SIAH3: variants seen among roughly 807,000 people sequenced by gnomAD.
The protein encoded by SIAH3 is siah E3 ubiquitin protein ligase family member 3.
Under a neutral mutation model 12.6 loss-of-function variants are expected in SIAH3, and 9 were observed. The observed-to-expected ratio is 0.72, with a 90% CI of 0.43 to 1.25. The LOEUF is 1.25. SIAH3 is among the 50% of genes most tolerant of loss of function. The pLI is 0.00. For synonymous variants in SIAH3, 154 were observed against 151.1 expected (o/e 1.02, Z -0.14); for missense variants, 390 against 365.4 (o/e 1.07, Z -0.55).
intron 1 of SIAH3, among the ~76,000 whole-genome samples, chr13:45,825,312 C>G (rs549585374): frequency 2.3e-3 from 344 of 152,260 alleles, no homozygotes; most frequent in Non-Finnish European, 3.2e-3. Context: ...TTACAATCAG[C>G]CTTGATGGCA....
At chr13:45,819,792 C>G (rs1189149666) in intron 1 of SIAH3, among the ~76,000 whole-genome samples, 1 of 152,210 alleles carries the variant, frequency 6.6e-6, no homozygotes, top group African/African-American at 2.4e-5. Flanking sequence ...AAGCCCCAAA[C>G]CCACTTCCAG....
chr13:45,842,240 C>T (rs1224416891), intron 1 of SIAH3, among the ~76,000 whole-genome samples: 1 of 152,186 alleles, frequency 6.6e-6, no homozygotes, highest in Non-Finnish European at 1.5e-5. Flanking sequence ...ACATTTTGTG[C>T]ATCAGGTAAC....
intron 1 of SIAH3, among the ~76,000 whole-genome samples, chr13:45,826,279 C>T (rs927238653): frequency 3.3e-5 from 5 of 151,924 alleles, no homozygotes; most frequent in Admixed American, 3.3e-4. Flanking sequence ...ATCTTCAAAG[C>T]TTAGGATGAT....
rs1555260272 is a variant in SIAH3 at position 45,847,622 on chromosome 13, C to CATGT, written c.135+3872_135+3873insACAT. On this transcript the variant is annotated intron_variant, in intron 1 of 1. Coordinates refer to ENST00000400405, the MANE Select transcript of SIAH3 (RefSeq NM_198849.3). ...ATATGCCCCTCCCACTCCATGTGTTCGTGTGTGTGTGTGTGTGTGTGTGTG... is the reference window on the plus strand; with the variant it reads ...ATATGCCCCTCCCACTCCATGTGTTCATGTGTGTGTGTGTGTGTGTGTGTGTGTG... Among the ~76,000 whole-genome samples the CATGT allele has an allele frequency of 2.3e-3, 334 of 146,954 alleles. 2 individuals carry two copies. Among genetic ancestry groups the CATGT allele is most frequent in the African/African-American group, 6.2e-3 (248 of 39,912 alleles).
intron 1 of SIAH3, among the ~76,000 whole-genome samples, chr13:45,803,957 T>C (rs533213748): frequency 5.7e-4 from 87 of 152,246 alleles, no homozygotes; most frequent in African/African-American, 2.0e-3. Flanking sequence ...AGTTACAAAA[T>C]CCATATTTTT....
Position 45,782,956 on chromosome 13 carries a change from T to C in SIAH3, c.*427A>G, listed in dbSNP as rs1257087473. On this transcript the variant is annotated 3_prime_UTR_variant, in exon 2 of 2. Coordinates refer to ENST00000400405, the MANE Select transcript of SIAH3 (RefSeq NM_198849.3). ...AACCTGCCGACTGCACACGTTCAGA[T>C]TTAGCTTGCTCTGAAATAGACTGAA... 6.5e-6 allele frequency: 1 copy of C among 152,674 alleles called. No homozygotes were observed. Among genetic ancestry groups the C allele is most frequent in the East Asian group, 1.9e-4 (1 of 5,198 alleles). 9.5% of individuals were successfully genotyped at this position (152,674 alleles called of 1,614,324 possible).
At chr13:45,823,497 T>TC (rs1419772553) in intron 1 of SIAH3, among the ~76,000 whole-genome samples, 1 of 152,250 alleles carries the variant, frequency 6.6e-6, no homozygotes, top group Non-Finnish European at 1.5e-5. Flanking sequence ...CTGGAGTTTT[T>TC]CCAATTTTCT....
chr13:45,826,460 A>AGTGT (rs1162256365), intron 1 of SIAH3, among the ~76,000 whole-genome samples: 1 of 7,498 alleles, frequency 1.3e-4, no homozygotes, highest in Non-Finnish European at 3.1e-4. Context: ...TGGATGGATG[A>AGTGT]ATGGATGGAT....
At chr13:45,819,709 C>G (rs1375556528) in intron 1 of SIAH3, among the ~76,000 whole-genome samples, 1 of 152,162 alleles carries the variant, frequency 6.6e-6, no homozygotes, top group African/African-American at 2.4e-5. Context: ...TTGGCTGTGC[C>G]CACCTCAGGG....
At chr13:45,838,685 C>T (rs899780939) in intron 1 of SIAH3, among the ~76,000 whole-genome samples, 1 of 152,050 alleles carries the variant, frequency 6.6e-6, no homozygotes, top group Non-Finnish European at 1.5e-5. Flanking sequence ...CCAGTCTCTC[C>T]GGCGAGGCTT....
intron 1 of SIAH3, among the ~76,000 whole-genome samples, chr13:45,822,556 T>TATATATATATATATATATATA (rs58735572): frequency 5.6e-4 from 77 of 136,976 alleles, no homozygotes; most frequent in Admixed American, 1.3e-3. Flanking sequence ...TATATATATA[T>TATATATATATATATATATATA]TAGACTAGGG....
intron 1 of SIAH3, among the ~76,000 whole-genome samples, chr13:45,848,899 A>C (rs1036378963): frequency 4.6e-5 from 7 of 152,210 alleles, no homozygotes; most frequent in African/African-American, 1.7e-4. Flanking sequence ...TCCTTTAACA[A>C]AAGAAGGACT....
intron 1 of SIAH3, among the ~76,000 whole-genome samples, chr13:45,796,936 G>T (rs1361445987): frequency 6.6e-6 from 1 of 152,188 alleles, no homozygotes; most frequent in South Asian, 2.1e-4. Flanking sequence ...TCTTAGGCTT[G>T]GGGGGCAGGG....
At chr13:45,824,877 CA>C (rs57377852) in intron 1 of SIAH3, among the ~76,000 whole-genome samples, 20,259 of 123,726 alleles carry the variant, frequency 0.16, 2,182 homozygotes, top group African/African-American at 0.34. Context: ...GACTCTGTCT[CA>C]AAAAAAAAAA....
chr13:45,819,334 C>A (rs149646246), intron 1 of SIAH3, among the ~76,000 whole-genome samples: 89 of 152,212 alleles, frequency 5.8e-4, no homozygotes, highest in African/African-American at 2.0e-3. Flanking sequence ...ATGGGAGGAG[C>A]GTTTAAGGAA....
chr13:45,792,889 G>T (rs1005330025), intron 1 of SIAH3, among the ~76,000 whole-genome samples: 1 of 152,302 alleles, frequency 6.6e-6, no homozygotes, highest in South Asian at 2.1e-4. Context: ...GTGTGCTAAT[G>T]AGTCTAATCA....
chr13:45,786,829 C>T (rs1324204824), intron 1 of SIAH3, among the ~76,000 whole-genome samples: 2 of 152,142 alleles, frequency 1.3e-5, no homozygotes, highest in Non-Finnish European at 2.9e-5. Flanking sequence ...TGGCCTGGGG[C>T]CACCAGTCCC....
intron 1 of SIAH3, among the ~76,000 whole-genome samples, chr13:45,811,083 C>G (rs924033294): frequency 6.6e-6 from 1 of 152,156 alleles, no homozygotes; most frequent in Non-Finnish European, 1.5e-5. Context: ...GCAACCTGGG[C>G]AAAGTTACTT....
intron 1 of SIAH3, among the ~76,000 whole-genome samples, chr13:45,797,688 T>C (rs1016720906): frequency 5.3e-5 from 8 of 152,168 alleles, no homozygotes; most frequent in African/African-American, 1.7e-4. Flanking sequence ...TCTGCATTTC[T>C]AACCAGCTCT....
Sources: allele counts gnomAD v4.1 joint callset (sites outside exome capture counted in the v4.1 genomes callset), GRCh38; gene constraint gnomAD v4.1.1; transcripts MANE v1.5; gene names NCBI Gene and HGNC (gene_info 2026-07-23, HGNC 2026-07-21).